The following CACNB2 variants were observed in gnomAD, a reference collection of about 807,000 sequenced individuals.
CACNB2 encodes calcium voltage-gated channel auxiliary subunit beta 2, also known as voltage-dependent L-type calcium channel subunit beta-2.
In CACNB2, 42 loss-of-function variants were observed where a neutral mutation model predicts 73.3. The ratio of observed to expected loss-of-function variants is 0.57; its 90% CI spans 0.45 to 0.74. The LOEUF is 0.74. Among genes scored for constraint, CACNB2 ranks in the 30% least tolerant of loss-of-function variants. CACNB2 has a pLI of 0.00. For synonymous variants in CACNB2, 348 were observed against 310.3 expected, an observed-to-expected ratio of 1.12 and a Z score of -1.28; for missense variants, 940 against 853.0, an observed-to-expected ratio of 1.10 and a Z score of -1.27.
chr10:18,171,532 A>AAAAAAAAAAAAAAAC, intron 2 of CACNB2, among the ~76,000 whole-genome samples: 1 of 142,694 alleles, frequency 7.0e-6, no homozygotes, highest in African/African-American at 2.8e-5. Flanking sequence ...AAAAAAAAAA[A>AAAAAAAAAAAAAAAC]AAAAAAAAAA....
chr10:18,233,584 C>T (rs1396633079), intron 2 of CACNB2, among the ~76,000 whole-genome samples: 3 of 152,114 alleles, frequency 2.0e-5, no homozygotes, highest in Non-Finnish European at 4.4e-5. Context: ...GCAAGCTCTG[C>T]CAAAGCTGTG....
At chr10:18,152,131 C>T (rs2031611730) in intron 2 of CACNB2, among the ~76,000 whole-genome samples, 1 of 152,206 alleles carries the variant, frequency 6.6e-6, no homozygotes. Flanking sequence ...AACTTGTCCA[C>T]CTGCAGCATC....
intron 2 of CACNB2, among the ~76,000 whole-genome samples, chr10:18,339,528 A>G (rs2132062675): frequency 6.6e-6 from 1 of 152,006 alleles, no homozygotes; most frequent in South Asian, 2.1e-4. Context: ...CTCTAAATAA[A>G]TAACTAAGAT....
chr10:18,182,843 C>G (rs569842410), intron 2 of CACNB2, among the ~76,000 whole-genome samples: 1 of 151,810 alleles, frequency 6.6e-6, no homozygotes, highest in Admixed American at 6.6e-5. Context: ...AAACAAAAAC[C>G]CATAATTTCC....
intron 2 of CACNB2, among the ~76,000 whole-genome samples, chr10:18,231,666 G>A (rs1306268299): frequency 6.6e-6 from 1 of 152,160 alleles, no homozygotes; most frequent in African/African-American, 2.4e-5. Context: ...ATTGACAGCT[G>A]TACCTTTAAA....
At chr10:18,260,446 C>T in intron 2 of CACNB2, 2 of 985,372 alleles carry the variant, frequency 2.0e-6, no homozygotes, top group Non-Finnish European at 2.4e-6. Flanking sequence ...GAACATTTGC[C>T]AGCGAGCACC....
intron 2 of CACNB2, among the ~76,000 whole-genome samples, chr10:18,209,205 G>A (rs983478428): frequency 6.6e-6 from 1 of 152,076 alleles, no homozygotes; most frequent in Admixed American, 6.5e-5. Context: ...AGAAAAATGT[G>A]GCTTAATTTT....
chr10:18,353,902 A>G (rs1391382236), intron 2 of CACNB2, among the ~76,000 whole-genome samples: 2 of 152,240 alleles, frequency 1.3e-5, no homozygotes, highest in Non-Finnish European at 2.9e-5. Flanking sequence ...TCTTTCTAGT[A>G]TAAACAATAA....
At chr10:18,400,655 T>C (rs2043946797) in intron 2 of CACNB2, 2 of 1,026,586 alleles carry the variant, frequency 1.9e-6, no homozygotes, top group Admixed American at 5.3e-5. Flanking sequence ...TTTTTTTTTT[T>C]TTCTGCGATT....
At chr10:18,243,819 T>G (rs367801130) in intron 2 of CACNB2, among the ~76,000 whole-genome samples, 2 of 152,162 alleles carry the variant, frequency 1.3e-5, no homozygotes, top group African/African-American at 4.8e-5. Flanking sequence ...TTTTGGACTT[T>G]CCAACCACCA....
At chr10:18,278,249 GC>G (rs1465247700) in intron 2 of CACNB2, among the ~76,000 whole-genome samples, 2 of 152,270 alleles carry the variant, frequency 1.3e-5, no homozygotes, top group Admixed American at 1.3e-4. Flanking sequence ...GGAGGCCAAG[GC>G]AGAAGGATAG....
At chr10:18,517,416 T>TA (rs1413684729) in intron 7 of CACNB2, among the ~76,000 whole-genome samples, 1 of 152,220 alleles carries the variant, frequency 6.6e-6, no homozygotes, top group Non-Finnish European at 1.5e-5. Flanking sequence ...TTGAAGCAAT[T>TA]AACCTGAAAA....
chr10:18,299,781 G>A (rs2039434880), intron 2 of CACNB2, among the ~76,000 whole-genome samples: 1 of 152,160 alleles, frequency 6.6e-6, no homozygotes, highest in African/African-American at 2.4e-5. Flanking sequence ...GTTGCTGATG[G>A]TTGTGAGAAT....
chr10:18,314,571 C>G (rs2040084803), intron 2 of CACNB2, among the ~76,000 whole-genome samples: 1 of 151,100 alleles, frequency 6.6e-6, no homozygotes, highest in African/African-American at 2.4e-5. Context: ...CATCTTCCCA[C>G]ATTTGTGAGA....
chr10:18,448,364 C>T (rs2046838755), intron 3 of CACNB2, among the ~76,000 whole-genome samples: 1 of 151,482 alleles, frequency 6.6e-6, no homozygotes, highest in African/African-American at 2.4e-5. Flanking sequence ...TATCCAGCTA[C>T]TCAGGAGCTC....
intron 3 of CACNB2, among the ~76,000 whole-genome samples, chr10:18,494,548 C>T (rs2049661588): frequency 6.7e-6 from 1 of 149,430 alleles, no homozygotes; most frequent in East Asian, 2.0e-4. Context: ...AGGAGAATGG[C>T]ATGAACCCAG....
intron 3 of CACNB2, among the ~76,000 whole-genome samples, chr10:18,494,324 T>G (rs535049441): frequency 6.6e-6 from 1 of 152,098 alleles, no homozygotes; most frequent in Admixed American, 6.6e-5. Context: ...CTCTGTATCT[T>G]CCAAGGAATA....
intron 2 of CACNB2, among the ~76,000 whole-genome samples, chr10:18,356,893 G>T (rs1400258779): frequency 6.7e-6 from 1 of 150,160 alleles, no homozygotes; most frequent in Non-Finnish European, 1.5e-5. Context: ...GCTTCCCAAA[G>T]TGCTGGGATT....
At chr10:18,246,278 T>C (rs1174612114) in intron 2 of CACNB2, among the ~76,000 whole-genome samples, 3 of 152,186 alleles carry the variant, frequency 2.0e-5, no homozygotes, top group Admixed American at 6.5e-5. Flanking sequence ...AATAATTAAA[T>C]GTGAAGTGCT....
Sources: gnomAD v4.1 joint callset for allele counts (sites outside exome capture counted in the v4.1 genomes callset) on GRCh38, gnomAD v4.1.1 for gene constraint, MANE v1.5 for transcripts, NCBI Gene and HGNC (gene_info 2026-07-23, HGNC 2026-07-21) for gene names.